The following MAP7 variants were observed in gnomAD, a reference collection of about 807,000 sequenced individuals.
MAP7 encodes the protein ensconsin.
A neutral mutation model predicts 94.8 loss-of-function variants in MAP7; 52 were observed. The observed-to-expected ratio is 0.55, with a 90% CI of 0.44 to 0.69. The LOEUF is 0.69. Ranked by LOEUF, MAP7 falls within the 30% of genes least tolerant of loss-of-function variation. The pLI is 0.00. For missense variants in MAP7, 940 were observed against 964.6 expected, an observed-to-expected ratio of 0.97 and a Z score of 0.34; for synonymous variants, 350 against 357.0, an observed-to-expected ratio of 0.98 and a Z score of 0.22.
intron 2 of MAP7, among the ~76,000 whole-genome samples, chr6:136,416,978 G>A (rs1258270362): frequency 6.6e-6 from 1 of 152,008 alleles, no homozygotes; most frequent in Non-Finnish European, 1.5e-5. Context: ...AATTAGCCAA[G>A]AGTGATGGCA....
At chr6:136,441,557 C>T (rs1298972860) in intron 1 of MAP7, among the ~76,000 whole-genome samples, 1 of 152,094 alleles carries the variant, frequency 6.6e-6, no homozygotes, top group Non-Finnish European at 1.5e-5. Flanking sequence ...TTCTTCCTTC[C>T]CCTTTTTTGA....
intron 1 of MAP7, among the ~76,000 whole-genome samples, chr6:136,451,897 A>G (rs75580809): frequency 6.6e-6 from 1 of 152,160 alleles, no homozygotes; most frequent in Non-Finnish European, 1.5e-5. Flanking sequence ...CTGCAATCTC[A>G]TGATAAAATG....
Position 136,475,130 on chromosome 6 carries a change from A to T in MAP7, c.68-53331T>A, listed in dbSNP as rs1402204572. 2.6e-5 allele frequency among the ~76,000 whole-genome samples: 4 copies of T among 152,302 alleles called. No homozygotes were observed. In the East Asian group the frequency reaches 5.8e-4, roughly 22 times the overall value. ...TCAAGTTATTTCAATTTTTACTATGACTTTATACATAAAGCTTTAACTGCA... is the reference window on the plus strand; with the variant it reads ...TCAAGTTATTTCAATTTTTACTATGTCTTTATACATAAAGCTTTAACTGCA... On this transcript the variant is annotated intron_variant, in intron 1 of 17. Coordinates refer to ENST00000354570, the MANE Select transcript of MAP7 (RefSeq NM_003980.6).
chr6:136,531,790 C>A (rs1021940709), intron 1 of MAP7, among the ~76,000 whole-genome samples: 1 of 151,952 alleles, frequency 6.6e-6, no homozygotes, highest in Non-Finnish European at 1.5e-5. Context: ...TAGGCTTGAA[C>A]GTGAATACCA....
intron 5 of MAP7, among the ~76,000 whole-genome samples, chr6:136,386,674 A>G (rs3823164): frequency 0.063 from 9,527 of 152,310 alleles, 653 homozygotes; most frequent in East Asian, 0.23. Context: ...TGATCTGTAT[A>G]ACAGATTTAA....
intron 1 of MAP7, among the ~76,000 whole-genome samples, chr6:136,426,798 A>T (rs975758437): frequency 1.3e-5 from 2 of 152,196 alleles, no homozygotes; most frequent in Non-Finnish European, 2.9e-5. Flanking sequence ...GAGAGTGTGG[A>T]CTTTCTCGTG....
chr6:136,533,071 G>C (rs1210980305), intron 1 of MAP7, among the ~76,000 whole-genome samples: 1 of 152,164 alleles, frequency 6.6e-6, no homozygotes, highest in Non-Finnish European at 1.5e-5. Context: ...TCGGGAGTTC[G>C]GGACCAGCCT....
chr6:136,550,276 AGCCCGCCGGCCCC>A lies in MAP7; in HGVS notation c.67+53_67+65del, dbSNP rs1180068004. 7.4e-7 allele frequency: 1 copy of A among 1,356,390 alleles called. No individual in the cohort carries two copies. 84.0% of individuals were successfully genotyped at this position (1,356,390 alleles called of 1,614,324 possible). On this transcript the variant is annotated intron_variant, in intron 1 of 17. Coordinates refer to ENST00000354570, the MANE Select transcript of MAP7 (RefSeq NM_003980.6). The surrounding 1 kb of genome is among the most constrained non-coding windows in gnomAD (Gnocchi z 5.1). ...GCCGGCGCCGGGTGATTTCGGTGCC[AGCCCGCCGGCCCC>A]GCTCGCCGTCCCCTGCCCGACGGGA...
intron 1 of MAP7, among the ~76,000 whole-genome samples, chr6:136,482,837 C>T (rs983390300): frequency 2.3e-4 from 35 of 152,116 alleles, no homozygotes; most frequent in African/African-American, 5.1e-4. Flanking sequence ...ATTTTAAAAC[C>T]GCTAAACTGT....
intron 3 of MAP7, among the ~76,000 whole-genome samples, chr6:136,402,771 T>C (rs1784462296): frequency 1.3e-5 from 2 of 151,120 alleles, no homozygotes; most frequent in South Asian, 2.1e-4. Context: ...CCGGGTGCGG[T>C]GGCGGGCGCC....
At chr6:136,482,629 T>C (rs1405659113) in intron 1 of MAP7, among the ~76,000 whole-genome samples, 3 of 150,518 alleles carry the variant, frequency 2.0e-5, no homozygotes, top group Non-Finnish European at 4.4e-5. Flanking sequence ...CGCATGCATA[T>C]GTTCATCACA....
intron 2 of MAP7, among the ~76,000 whole-genome samples, chr6:136,418,416 T>C (rs1028504670): frequency 3.3e-5 from 5 of 152,342 alleles, no homozygotes; most frequent in East Asian, 1.9e-4. Flanking sequence ...GGTTTCACCA[T>C]GTTGGCCAGG....
chr6:136,463,648 T>C (rs1156511501), intron 1 of MAP7, among the ~76,000 whole-genome samples: 1 of 152,208 alleles, frequency 6.6e-6, no homozygotes. Context: ...AGTAACACTG[T>C]ATAATTTGCT....
At chr6:136,422,433 CAATT>C (rs924695173) in intron 1 of MAP7, among the ~76,000 whole-genome samples, 1 of 152,180 alleles carries the variant, frequency 6.6e-6, no homozygotes. Context: ...TAAAAAAAAT[CAATT>C]AAACAGGAGT....
intron 1 of MAP7, among the ~76,000 whole-genome samples, chr6:136,446,369 G>GT (rs2128868270): frequency 6.6e-6 from 1 of 152,318 alleles, no homozygotes; most frequent in South Asian, 2.1e-4. Flanking sequence ...CATCAGAGGT[G>GT]GATAGGGCAC....
rs148369326 is a variant in MAP7 at position 136,366,384 on chromosome 6, C to T, written c.932G>A (p.Arg311Gln). The T allele has an allele frequency of 4.8e-5, 78 of 1,614,018 alleles. No individual in the cohort carries two copies. In the East Asian group the frequency reaches 7.8e-4, roughly 16 times the overall value. Residue 311 changes from arginine (R) to glutamine (Q), a missense_variant, in exon 9 of 18, where the codon CGA becomes CAA. Physicochemically the swap from Arg to Gln is conservative, Grantham distance 43 (BLOSUM62 1). Transcript: ENST00000354570. The part of the protein sequence containing the change: ...ENVLFLTSGT[R>Q]RAVSPSNPKA... ...GGGATTAGATGGAGATACAGCCCTT[C>T]GGGTGCCAGATGTGAGGAAGAGTAC...
chr6:136,463,773 T>A (rs147710763), intron 1 of MAP7, among the ~76,000 whole-genome samples: 23 of 152,266 alleles, frequency 1.5e-4, no homozygotes, highest in Non-Finnish European at 8.8e-5. Flanking sequence ...TTGCCTGTGG[T>A]CAGGCAAACA....
chr6:136,407,360 G>T (rs571283685), intron 3 of MAP7, among the ~76,000 whole-genome samples: 2 of 152,284 alleles, frequency 1.3e-5, no homozygotes, highest in South Asian at 2.1e-4. Flanking sequence ...GAACTAAAAC[G>T]TGATAGTTAT....
chr6:136,521,023 AATGCATATTCT>A (rs1374855663), intron 1 of MAP7, among the ~76,000 whole-genome samples: 2 of 152,170 alleles, frequency 1.3e-5, no homozygotes, highest in African/African-American at 2.4e-5. Context: ...CAGGCCATGT[AATGCATATTCT>A]AGAAGAGGGG....
Sources: allele counts gnomAD v4.1 joint callset (sites outside exome capture counted in the v4.1 genomes callset), GRCh38; gene constraint gnomAD v4.1.1; non-coding constraint Gnocchi (gnomAD v3.1); transcripts MANE v1.5; gene names NCBI Gene and HGNC (gene_info 2026-07-23, HGNC 2026-07-21).